The following TTC29 variants were observed in gnomAD, a reference collection of about 807,000 sequenced individuals.
TTC29 encodes tetratricopeptide repeat domain 29, also known as tetratricopeptide repeat protein 29.
TTC29 carries 49 observed loss-of-function variants against 58.1 expected under a neutral mutation model. That is an observed-to-expected ratio of 0.84 (90% confidence interval 0.67 to 1.07). The LOEUF (loss-of-function observed/expected upper bound fraction) is 1.07, where lower values mean the gene tolerates loss of function less well. Among genes scored for constraint, TTC29 ranks in the 50% least tolerant of loss-of-function variants. TTC29 has a pLI of 0.00. For synonymous variants in TTC29, 209 were observed against 196.8 expected, an observed-to-expected ratio of 1.06 and a Z score of -0.52; for missense variants, 582 against 555.6, an observed-to-expected ratio of 1.05 and a Z score of -0.48.
intron 11 of TTC29, among the ~76,000 whole-genome samples, chr4:146,726,656 T>C (rs933915255): frequency 6.6e-6 from 1 of 152,214 alleles, no homozygotes; most frequent in Non-Finnish European, 1.5e-5. Context: ...AAGGGGAATC[T>C]ACTGCTTTAT....
At chr4:146,912,819 G>A (rs1482935793) in intron 4 of TTC29, among the ~76,000 whole-genome samples, 1 of 151,968 alleles carries the variant, frequency 6.6e-6, no homozygotes, top group Non-Finnish European at 1.5e-5. Context: ...AAGCTGGAAG[G>A]ATAGAGAGAA....
chr4:146,920,574 T>C (rs1462220783), intron 4 of TTC29, among the ~76,000 whole-genome samples: 1 of 151,052 alleles, frequency 6.6e-6, no homozygotes, highest in Non-Finnish European at 1.5e-5. Context: ...GTATTTCTCT[T>C]ACTATGGCAT....
chr4:146,732,852 T>G (rs534398069), intron 11 of TTC29, among the ~76,000 whole-genome samples: 3 of 152,160 alleles, frequency 2.0e-5, no homozygotes, highest in Non-Finnish European at 4.4e-5. Context: ...TTGGTAGGAT[T>G]TTAGCCAGCA....
At chr4:146,758,962 C>T (rs1020625733) in intron 11 of TTC29, among the ~76,000 whole-genome samples, 10 of 151,734 alleles carry the variant, frequency 6.6e-5, no homozygotes, top group South Asian at 2.1e-4. Flanking sequence ...CAAACCCACA[C>T]CCAAGAGAAG....
intron 7 of TTC29, among the ~76,000 whole-genome samples, chr4:146,873,294 A>G (rs56734158): frequency 0.059 from 9,051 of 152,222 alleles, 908 homozygotes; most frequent in African/African-American, 0.21. Flanking sequence ...AGCTCTGTAA[A>G]GTATTGTGTA....
chr4:146,731,131 TC>T (rs1218726243), intron 11 of TTC29, among the ~76,000 whole-genome samples: 1 of 152,140 alleles, frequency 6.6e-6, no homozygotes, highest in Non-Finnish European at 1.5e-5. Context: ...TGACAGTTAA[TC>T]CTTAGTAAAA....
chr4:146,710,306 C>T, intron 11 of TTC29, among the ~76,000 whole-genome samples: 1 of 152,050 alleles, frequency 6.6e-6, no homozygotes, highest in Non-Finnish European at 1.5e-5. Context: ...GCATCTGTAA[C>T]ACTATAATGA....
intron 4 of TTC29, among the ~76,000 whole-genome samples, chr4:146,935,802 T>C (rs538273899): frequency 1.1e-4 from 17 of 152,322 alleles, no homozygotes; most frequent in Admixed American, 8.5e-4. Context: ...TGTTTGTTGA[T>C]CAATTTATCT....
chr4:146,806,466 G>A (rs1208644245), intron 10 of TTC29, among the ~76,000 whole-genome samples: 1 of 152,182 alleles, frequency 6.6e-6, no homozygotes, highest in Non-Finnish European at 1.5e-5. Context: ...AGACCCATCG[G>A]TGTGCTTTAT....
intron 6 of TTC29, among the ~76,000 whole-genome samples, chr4:146,899,319 T>C (rs1432099076): frequency 6.6e-6 from 1 of 152,194 alleles, no homozygotes; most frequent in Non-Finnish European, 1.5e-5. Context: ...CTAGAATGAA[T>C]GGGAACGTCT....
At position 146,909,847 on chromosome 4, in the gene TTC29, G is replaced by A. The variant is rs545858800; in HGVS notation, c.177-598C>T. ...AAATGAATATTCCATTTAGTCAAGCGACAAATAGGTGCTGAGTTTCCTACT... is the reference window on the plus strand; with the variant it reads ...AAATGAATATTCCATTTAGTCAAGCAACAAATAGGTGCTGAGTTTCCTACT... On this transcript the variant is annotated intron_variant, in intron 4 of 12. Coordinates refer to ENST00000325106, the MANE Select transcript of TTC29 (RefSeq NM_031956.4). 4.1e-4 allele frequency among the ~76,000 whole-genome samples: 63 copies of A among 152,104 alleles called. 2 individuals are homozygous for A. Among genetic ancestry groups the A allele is most frequent in the African/African-American group, 1.4e-3 (58 of 41,520 alleles).
At chr4:146,868,083 G>C (rs148365568) in intron 7 of TTC29, among the ~76,000 whole-genome samples, 23 of 152,224 alleles carry the variant, frequency 1.5e-4, no homozygotes, top group African/African-American at 5.5e-4. Context: ...TCTAACTGCA[G>C]ATAATTCACA....
intron 11 of TTC29, among the ~76,000 whole-genome samples, chr4:146,749,951 G>A (rs1036906539): frequency 6.6e-6 from 1 of 152,142 alleles, no homozygotes; most frequent in African/African-American, 2.4e-5. Flanking sequence ...GAAGCAAAAC[G>A]AAGGAGAAAT....
rs139146818 is a variant in TTC29 at position 146,895,779 on chromosome 4, T to C, written c.586+7765A>G. 3.9e-5 allele frequency among the ~76,000 whole-genome samples: 6 copies of C among 152,350 alleles called. No individual in the cohort carries two copies. In the East Asian group the frequency reaches 1.2e-3, roughly 29 times the overall value. Reference sequence around the variant, plus strand: ...TGTTTTATACTTGGAGCAGAGAGGATATAATTATCCCTCAATAAACCCCAT... The same window carrying C: ...TGTTTTATACTTGGAGCAGAGAGGACATAATTATCCCTCAATAAACCCCAT... On this transcript the variant is annotated intron_variant, in intron 6 of 12. Transcript: ENST00000325106.
chr4:146,709,996 A>T (rs149292274), intron 11 of TTC29, among the ~76,000 whole-genome samples: 1 of 152,178 alleles, frequency 6.6e-6, no homozygotes, highest in East Asian at 1.9e-4. Flanking sequence ...CCTCCCACTC[A>T]TCAGTGCTCT....
chr4:146,824,462 A>G (rs1727625247), intron 9 of TTC29, among the ~76,000 whole-genome samples: 1 of 152,134 alleles, frequency 6.6e-6, no homozygotes, highest in Admixed American at 6.6e-5. Flanking sequence ...TGACTTGATC[A>G]TGGTGGGTAA....
intron 5 of TTC29, among the ~76,000 whole-genome samples, chr4:146,907,131 CA>C (rs1733573415): frequency 6.6e-6 from 1 of 152,106 alleles, no homozygotes; most frequent in South Asian, 2.1e-4. Context: ...CAAAACAAAA[CA>C]AAAAGTTAGG....
chr4:146,802,732 A>G (rs549638236), intron 11 of TTC29, among the ~76,000 whole-genome samples: 18 of 152,354 alleles, frequency 1.2e-4, no homozygotes, highest in African/African-American at 4.3e-4. Context: ...AAAATATTTT[A>G]CTTTAAAAAG....
At chr4:146,781,912 C>T (rs1036533733) in intron 11 of TTC29, among the ~76,000 whole-genome samples, 3 of 151,476 alleles carry the variant, frequency 2.0e-5, no homozygotes, top group African/African-American at 7.3e-5. Flanking sequence ...TTCTGATAGC[C>T]AAGAGAAAAC....
Sources: allele counts gnomAD v4.1 joint callset (sites outside exome capture counted in the v4.1 genomes callset), GRCh38; gene constraint gnomAD v4.1.1; transcripts MANE v1.5; gene names NCBI Gene and HGNC (gene_info 2026-07-23, HGNC 2026-07-21).